GPR89B: variants seen among roughly 807,000 people sequenced by gnomAD.
GPR89B encodes G protein-coupled receptor 89B.
In GPR89B, 25 loss-of-function variants were observed where a neutral mutation model predicts 52.4. The observed-to-expected ratio is 0.48, with a 90% CI of 0.35 to 0.67. The LOEUF is 0.67. Among genes scored for constraint, GPR89B ranks in the 30% least tolerant of loss-of-function variants. The pLI is 0.01. For synonymous variants in GPR89B, 52 were observed against 151.2 expected (o/e 0.34, Z 4.81); for missense variants, 146 against 450.2 (o/e 0.32, Z 6.11).
the GPR89B span, chr1:148,009,228 T>C: frequency 1.7e-6 from 2 of 1,200,858 alleles, no homozygotes; most frequent in Admixed American, 3.9e-5. Context: ...GCAAGCTATC[T>C]ATAGCAACTG....
At position 147,961,050 on chromosome 1, in the gene GPR89B, G is replaced by GT. The variant is rs1413166310; in HGVS notation, c.618-5504_618-5503insT. On this transcript the variant is annotated intron_variant, in intron 7 of 13. Transcript: ENST00000314163. ...AAAAAAATTAGCTGGGCGTGGTGGT[G>GT]GGAACCTGTAGTCCCAGCTACTCAG... is the stretch of plus-strand genomic sequence containing the variant. Among the ~76,000 whole-genome samples the GT allele has an allele frequency of 2.1e-5, 3 of 145,394 alleles. No homozygotes were observed. In the South Asian group the frequency reaches 6.7e-4, roughly 32 times the overall value.
the GPR89B span, among the ~76,000 whole-genome samples, chr1:148,020,560 G>A: frequency 6.6e-6 from 1 of 150,774 alleles, no homozygotes; most frequent in East Asian, 1.9e-4. Flanking sequence ...CTGTCTTTGT[G>A]CCCTGTGGGT....
chr1:147,952,198 A>C (rs1655772284), intron 5 of GPR89B, among the ~76,000 whole-genome samples: 1 of 152,144 alleles, frequency 6.6e-6, no homozygotes, highest in East Asian at 1.9e-4. Flanking sequence ...TTAGGTCTGG[A>C]GACCATACAT....
chr1:147,998,905 G>T, the GPR89B span, among the ~76,000 whole-genome samples: 19 of 148,292 alleles, frequency 1.3e-4, no homozygotes, highest in Non-Finnish European at 2.2e-4. Flanking sequence ...AAAAAAATGA[G>T]ATTTTATTCA....
At chr1:148,009,713 A>C in the GPR89B span, 27 of 784,174 alleles carry the variant, frequency 3.4e-5, no homozygotes, top group Non-Finnish European at 5.1e-5. Flanking sequence ...TTGACACCCA[A>C]GTAGAAGCAG....
chr1:148,015,065 G>C, the GPR89B span: 3 of 151,970 alleles, frequency 2.0e-5, no homozygotes, highest in African/African-American at 2.4e-5. Context: ...TCGACTGTCC[G>C]TATGTCGCAG....
At chr1:147,976,964 G>A (rs2149084166) in intron 10 of GPR89B, among the ~76,000 whole-genome samples, 1 of 151,834 alleles carries the variant, frequency 6.6e-6, no homozygotes, top group Admixed American at 6.5e-5. Context: ...GCTGGGCGTG[G>A]TGGCTCACGC....
At chr1:147,969,844 G>A in intron 9 of GPR89B, 23 bp from the exon 10 acceptor site, 1 of 1,295,960 alleles carries the variant, frequency 7.7e-7, no homozygotes, top group Non-Finnish European at 1.1e-6. Context: ...TGAAAACTAT[G>A]TTTTGTGTTT....
At chr1:148,007,099 G>A in the GPR89B span, among the ~76,000 whole-genome samples, 3 of 139,518 alleles carry the variant, frequency 2.2e-5, no homozygotes, top group South Asian at 2.2e-4. Flanking sequence ...TTTTTGAGAC[G>A]GAGTCTTGCT....
the GPR89B span, among the ~76,000 whole-genome samples, chr1:148,024,158 GA>G: frequency 1.8e-3 from 261 of 146,076 alleles, 3 homozygotes; most frequent in Middle Eastern, 6.9e-3. Flanking sequence ...TGGTGACCAG[GA>G]AAAATGTCCA....
chr1:148,014,192 C>T, the GPR89B span, among the ~76,000 whole-genome samples: 6 of 151,392 alleles, frequency 4.0e-5, no homozygotes, highest in Non-Finnish European at 7.4e-5. Flanking sequence ...GCCGCCGTTG[C>T]AGGCGGGAGT....
intron 1 of GPR89B, 36 bp downstream of exon 1, chr1:147,928,614 C>T (rs781845141): frequency 6.2e-7 from 1 of 1,613,336 alleles, no homozygotes; most frequent in South Asian, 1.1e-5. Flanking sequence ...ACCCGTCCGC[C>T]TCCCTTCACC....
At chr1:148,018,233 A>G in the GPR89B span, among the ~76,000 whole-genome samples, 4 of 140,916 alleles carry the variant, frequency 2.8e-5, no homozygotes, top group Non-Finnish European at 6.1e-5. Context: ...CCTGGCTAAC[A>G]TGGTGAAACC....
At chr1:147,934,414 C>T (rs755364520) in intron 1 of GPR89B, among the ~76,000 whole-genome samples, 2 of 151,854 alleles carry the variant, frequency 1.3e-5, no homozygotes, top group Admixed American at 6.6e-5. Context: ...TGGGCTCAAG[C>T]GATCTACCCA....
At chr1:148,013,523 C>T in the GPR89B span, among the ~76,000 whole-genome samples, 1 of 152,190 alleles carries the variant, frequency 6.6e-6, no homozygotes, top group Non-Finnish European at 1.5e-5. Context: ...CTCCAGCTTC[C>T]GCAGGAGCAT....
the GPR89B span, among the ~76,000 whole-genome samples, chr1:148,015,456 A>G: frequency 9.5e-5 from 14 of 147,742 alleles, no homozygotes; most frequent in African/African-American, 3.1e-4. Context: ...CTGGGATTAT[A>G]GGCACGCGCC....
At chr1:147,972,340 T>A (rs1657533566) in intron 10 of GPR89B, among the ~76,000 whole-genome samples, 1 of 151,376 alleles carries the variant, frequency 6.6e-6, no homozygotes, top group African/African-American at 2.4e-5. Flanking sequence ...GAGTAGGCAC[T>A]TAGGAGTGGA....
At chr1:147,935,792 T>C (rs1290625042) in intron 1 of GPR89B, among the ~76,000 whole-genome samples, 1 of 152,158 alleles carries the variant, frequency 6.6e-6, no homozygotes, top group African/African-American at 2.4e-5. Flanking sequence ...TGGAGCACAG[T>C]GGTGCAATCA....
chr1:147,940,658 C>T (rs4950510), intron 3 of GPR89B, among the ~76,000 whole-genome samples: 21 of 152,092 alleles, frequency 1.4e-4, no homozygotes, highest in Admixed American at 1.3e-3. Flanking sequence ...TGTTGTAGAG[C>T]GAAAGCAGTC....
Sources: allele counts gnomAD v4.1 joint callset (sites outside exome capture counted in the v4.1 genomes callset), GRCh38; gene constraint gnomAD v4.1.1; transcripts MANE v1.5; gene names NCBI Gene and HGNC (gene_info 2026-07-23, HGNC 2026-07-21).